The following TP53BP2 variants were observed in gnomAD, a reference collection of about 807,000 sequenced individuals.
TP53BP2 encodes the protein apoptosis-stimulating of p53 protein 2.
A neutral mutation model predicts 126.2 loss-of-function variants in TP53BP2; 62 were observed. The observed-to-expected ratio is 0.49, with a 90% confidence interval of 0.40 to 0.61. The LOEUF (loss-of-function observed/expected upper bound fraction) is 0.61. Among genes scored for constraint, TP53BP2 ranks in the 20% least tolerant of loss-of-function variants. TP53BP2 has a pLI of 0.00. For synonymous variants in TP53BP2, 485 were observed against 502.9 expected, an observed-to-expected ratio of 0.96 and a Z score of 0.48; for missense variants, 1,215 against 1,402.8, an observed-to-expected ratio of 0.87 and a Z score of 2.14.
At chr1:223,786,629 T>C (rs1661972777) in intron 16 of TP53BP2, among the ~76,000 whole-genome samples, 1 of 147,902 alleles carries the variant, frequency 6.8e-6, no homozygotes, top group South Asian at 2.2e-4. Context: ...TCCCCCGAGA[T>C]GGAGTCTCGC....
intron 1 of TP53BP2, chr1:223,845,107 C>G (rs1464472406): frequency 3.0e-6 from 1 of 338,424 alleles, no homozygotes; most frequent in Non-Finnish European, 4.2e-6. Context: ...CAGGCACGTA[C>G]GCTTTCCTGC....
intron 2 of TP53BP2, 122 bp downstream of exon 2, chr1:223,821,098 C>T (rs572689556): frequency 8.8e-6 from 11 of 1,250,436 alleles, no homozygotes; most frequent in Admixed American, 2.3e-5. Context: ...CTATTTCTGC[C>T]GGACGTGCTA....
chr1:223,817,488 T>C (rs1346175248), intron 2 of TP53BP2, among the ~76,000 whole-genome samples: 1 of 152,158 alleles, frequency 6.6e-6, no homozygotes, highest in African/African-American at 2.4e-5. Context: ...ATCCACCCCC[T>C]AGAGAAATGC....
intron 1 of TP53BP2, among the ~76,000 whole-genome samples, chr1:223,831,454 A>G (rs1416720648): frequency 1.6e-5 from 2 of 122,000 alleles, no homozygotes; most frequent in Admixed American, 1.9e-4. Context: ...ATGCACACAC[A>G]TATGTACCAT....
Position 223,780,611 on chromosome 1 carries a change from A to G in TP53BP2, c.*242T>C, listed in dbSNP as rs1661736075. 1.9e-6 allele frequency: 1 copy of G among 513,006 alleles called. No individual in the cohort carries two copies. The highest frequency in any genetic ancestry group is 3.4e-5 in the Admixed American group (1 of 29,610). 31.8% of individuals were successfully genotyped at this position (513,006 alleles called of 1,614,324 possible). A position where few individuals can be genotyped will look rare whatever the true frequency, so the allele number is the denominator to read the frequency against. On this transcript the variant is annotated 3_prime_UTR_variant, in exon 18 of 18. Coordinates refer to ENST00000343537, the MANE Select transcript of TP53BP2 (RefSeq NM_001031685.3). The stretch of plus-strand genomic sequence containing the variant: ...GTCGCTGTATACTTATCTGAGTGCT[A>G]CACGGGACACCTTTGCCCCAACACA...
At chr1:223,781,017 C>T in intron 17 of TP53BP2, 123 bp from the exon 18 acceptor site, 1 of 914,838 alleles carries the variant, frequency 1.1e-6, no homozygotes, top group Non-Finnish European at 1.7e-6. Flanking sequence ...GAGAAAAGCA[C>T]TCTTTGTGGT....
At chr1:223,800,384 C>T (rs1571849298) in intron 10 of TP53BP2, among the ~76,000 whole-genome samples, 1 of 151,994 alleles carries the variant, frequency 6.6e-6, no homozygotes, top group South Asian at 2.1e-4. Context: ...CCCAGGAGTC[C>T]AGTCTGGGCA....
intron 1 of TP53BP2, among the ~76,000 whole-genome samples, chr1:223,844,560 T>C (rs559986645): frequency 2.0e-5 from 3 of 152,328 alleles, no homozygotes; most frequent in South Asian, 2.1e-4. Context: ...TAAAATAAGA[T>C]GCATAATGCT....
At chr1:223,844,075 G>A (rs1410366957) in intron 1 of TP53BP2, among the ~76,000 whole-genome samples, 1 of 151,972 alleles carries the variant, frequency 6.6e-6, no homozygotes, top group Non-Finnish European at 1.5e-5. Context: ...TGAGGGACAA[G>A]TTTTTTTTAA....
chr1:223,817,925 CAAAA>C (rs770941359), intron 2 of TP53BP2, among the ~76,000 whole-genome samples: 2 of 62,070 alleles, frequency 3.2e-5, no homozygotes, highest in Non-Finnish European at 3.6e-5. Context: ...GACTCAGTCT[CAAAA>C]AAAAAAAAAA....
intron 1 of TP53BP2, among the ~76,000 whole-genome samples, chr1:223,840,521 T>C (rs1664069329): frequency 6.6e-6 from 1 of 152,204 alleles, no homozygotes. Context: ...AGAGGTATGG[T>C]ATGCAGTTAT....
At chr1:223,826,000 C>T (rs1286005980) in intron 1 of TP53BP2, 1 of 152,380 alleles carries the variant, frequency 6.6e-6, no homozygotes, top group East Asian at 1.9e-4. Flanking sequence ...ACACTCAGCA[C>T]AGGAGCCCTC....
chr1:223,787,623 T>C (rs1335783035), intron 16 of TP53BP2, among the ~76,000 whole-genome samples: 2 of 152,062 alleles, frequency 1.3e-5, no homozygotes, highest in Non-Finnish European at 2.9e-5. Flanking sequence ...ACACCTGTAA[T>C]GCCAGCACTT....
intron 9 of TP53BP2, among the ~76,000 whole-genome samples, chr1:223,801,076 A>G (rs1662511658): frequency 6.6e-6 from 1 of 152,212 alleles, no homozygotes; most frequent in African/African-American, 2.4e-5. Context: ...AGAAAACATC[A>G]CCATCACATC....
chr1:223,840,230 A>G (rs1346194433), intron 1 of TP53BP2, among the ~76,000 whole-genome samples: 1 of 152,360 alleles, frequency 6.6e-6, no homozygotes, highest in East Asian at 1.9e-4. Flanking sequence ...CCGAATGACC[A>G]AACTTCTTGG....
At chr1:223,831,139 T>C (rs907829982) in intron 1 of TP53BP2, among the ~76,000 whole-genome samples, 8 of 151,058 alleles carry the variant, frequency 5.3e-5, no homozygotes, top group Admixed American at 2.6e-4. Flanking sequence ...TCTCAGTATT[T>C]TGGGAGGCTG....
chr1:223,845,719 G>A lies in TP53BP2; in HGVS notation c.-39C>T, dbSNP rs904112562. 1 of 1,517,904 alleles carries A rather than the reference G, an allele frequency of 6.6e-7. No homozygotes were observed. The highest frequency in any genetic ancestry group is 8.8e-7 in the Non-Finnish European group (1 of 1,138,218). 94.0% of individuals were successfully genotyped at this position (1,517,904 alleles called of 1,614,324 possible). On this transcript the variant is annotated 5_prime_UTR_variant, in exon 1 of 18. Transcript: ENST00000343537. ...CAGACTGCGGCCCCGGCCGAGCTGA[G>A]GTGCCCCGGAGGGTCGCGGATGCGG...
At chr1:223,805,465 C>T (rs1662682579) in intron 5 of TP53BP2, among the ~76,000 whole-genome samples, 1 of 152,122 alleles carries the variant, frequency 6.6e-6, no homozygotes, top group African/African-American at 2.4e-5. Context: ...AACACGATCC[C>T]CAGGTGATTC....
intron 3 of TP53BP2, among the ~76,000 whole-genome samples, chr1:223,811,236 G>A (rs181583532): frequency 2.6e-5 from 4 of 152,054 alleles, no homozygotes; most frequent in Admixed American, 2.0e-4. Context: ...TACATTATAA[G>A]AAGCAAATAA....
Sources: gnomAD v4.1 joint callset for allele counts (sites outside exome capture counted in the v4.1 genomes callset) on GRCh38, gnomAD v4.1.1 for gene constraint, MANE v1.5 for transcripts, NCBI Gene and HGNC (gene_info 2026-07-23, HGNC 2026-07-21) for gene names.